The following SLC4A2 variants were observed in gnomAD, a reference collection of about 807,000 sequenced individuals.
The protein encoded by SLC4A2 is solute carrier family 4 member 2.
SLC4A2 carries 36 observed loss-of-function variants against 115.0 expected under a neutral mutation model. The ratio of observed to expected loss-of-function variants is 0.31; its 90% CI spans 0.24 to 0.41. The LOEUF is 0.41. Among genes scored for constraint, SLC4A2 ranks in the 10% least tolerant of loss-of-function variants. The pLI, the probability that SLC4A2 is intolerant of heterozygous loss-of-function variation, is 1.00. For synonymous variants in SLC4A2, 708 were observed against 708.3 expected, an observed-to-expected ratio of 1.00 and a Z score of 0.01; for missense variants, 1,252 against 1,705.6, an observed-to-expected ratio of 0.73 and a Z score of 4.68.
rs34595208 is a variant in SLC4A2 at position 151,070,719 on chromosome 7, G to A, written c.1565-8G>A. 5.5e-5 allele frequency: 89 copies of A among 1,612,430 alleles called. No individual in the cohort carries two copies. In the African/African-American group the frequency reaches 7.5e-4, roughly 14 times the overall value. On this transcript the variant is annotated splice_polypyrimidine_tract_variant and splice_region_variant and intron_variant, in intron 11 of 22. Coordinates refer to ENST00000413384, the MANE Select transcript of SLC4A2 (RefSeq NM_003040.4). ...CTGCTCTTGCCCACGATGGTCCCAC[G>A]CCCCTAGGCTGCGTGGAGTTCCTCT... is the stretch of plus-strand genomic sequence containing the variant.
At chr7:151,073,778 G>C (rs1389640207) in intron 16 of SLC4A2, among the ~76,000 whole-genome samples, 5 of 152,028 alleles carry the variant, frequency 3.3e-5, no homozygotes, top group African/African-American at 1.2e-4. Flanking sequence ...CTTCCTTTAG[G>C]CCCCTGGATC....
chr7:151,061,716 C>G (rs896840587), intron 1 of SLC4A2: 69 of 479,284 alleles, frequency 1.4e-4, no homozygotes, highest in Admixed American at 6.4e-4. Context: ...CCTCTCGGCC[C>G]TTTTCGGCCC....
chr7:151,069,888 T>C (rs2150373856), intron 8 of SLC4A2, 59 bp from the exon 9 acceptor site: 2 of 1,607,936 alleles, frequency 1.2e-6, no homozygotes, highest in East Asian at 4.5e-5. Flanking sequence ...CCCCATCCCA[T>C]CTCCTGCCAC....
In SLC4A2 at chr7:151,074,125, A is replaced by G. The variant is rs760557989; in HGVS notation, c.2622A>G (p.Ala874=). 1 of 1,612,442 alleles carries G rather than the reference A, an allele frequency of 6.2e-7. No homozygotes were observed. Among genetic ancestry groups the G allele is most frequent in the South Asian group, 1.1e-5 (1 of 91,000 alleles). The change falls in exon 17 of 23, where the codon GCA becomes GCG. Residue 874 remains alanine, a synonymous_variant. Coordinates refer to ENST00000413384, the MANE Select transcript of SLC4A2 (RefSeq NM_003040.4). ...DGGENMTWAG[A]RPTLGPGNRS... ...GTGAGAACATGACATGGGCCGGGGC[A>G]AGACCCACGCTGGGGCCGGGCAACA...
At chr7:151,062,692 C>T in intron 2 of SLC4A2, 2 of 1,491,602 alleles carry the variant, frequency 1.3e-6, no homozygotes, top group Non-Finnish European at 1.8e-6. Flanking sequence ...CCTCTCTCCC[C>T]ATGGCGGCAA....
intron 16 of SLC4A2, 176 bp from the exon 17 acceptor site, chr7:151,073,863 C>T: frequency 1.5e-6 from 1 of 678,282 alleles, no homozygotes; most frequent in Admixed American, 2.9e-5. Context: ...TTCTGCCCCA[C>T]ACTGCCCTGT....
At position 151,072,282 on chromosome 7, in the gene SLC4A2, A is replaced by C. The variant is rs536565889; in HGVS notation, c.2535+146A>C. 18 of 633,094 alleles carry C rather than the reference A, an allele frequency of 2.8e-5. No homozygotes were observed. In the South Asian group the frequency reaches 3.3e-4, roughly 12 times the overall value. The allele number at this position is 633,094 out of a possible 1,614,324, so 39.2% of individuals were successfully genotyped here. A position where few individuals can be genotyped will look rare whatever the true frequency, so the allele number is the denominator to read the frequency against. On this transcript the variant is annotated intron_variant, in intron 16 of 22. Transcript: ENST00000413384. ...TTGCCAACACGTATACCAGGGCTGC[A>C]GATTACTCTTTTAATTAATTAATTA...
At position 151,074,595 on chromosome 7, in the gene SLC4A2, C is replaced by T. The variant is rs980718620; in HGVS notation, c.2881-80C>T. 1.9e-6 allele frequency: 3 copies of T among 1,574,076 alleles called. No homozygotes were observed. The African/African-American group carries it at 4.0e-5, about 21-fold the overall frequency. ...GCCTGTCCTTAAGCTTAAGCCTGTC[C>T]TTAAGATGCCATCCCCTTTCCATGG... On this transcript the variant is annotated intron_variant, in intron 18 of 22. Coordinates refer to ENST00000413384, the MANE Select transcript of SLC4A2 (RefSeq NM_003040.4).
At chr7:151,058,254 A>G, upstream of SLC4A2, 1 of 273,248 alleles carries the variant, frequency 3.7e-6, no homozygotes, top group Non-Finnish European at 7.0e-6. Flanking sequence ...TACGCGTTCC[A>G]GAATGCAGCG....
Position 151,064,320 on chromosome 7 carries a change from G to T in SLC4A2, c.170G>T (p.Arg57Leu). The T allele has an allele frequency of 6.2e-7, 1 of 1,611,622 alleles. No homozygotes were observed. Among genetic ancestry groups the T allele is most frequent in the African/African-American group, 1.3e-5 (1 of 74,752 alleles). The change falls in exon 3 of 23, where the codon CGT becomes CTT. Residue 57 changes from arginine (R) to leucine (L), a missense_variant. Around this residue, in one of 14 missense-constraint regions of SLC4A2, gnomAD observed 74 missense variants for 85.3 expected, o/e 0.87. Transcript: ENST00000413384. The part of the protein sequence containing the change: ...FEEILQEAGS[R>L]GGEEPGRSYG... ...GAGATCCTACAGGAGGCCGGGTCTCGTGGAGGGGAGGAGCCAGGCCGCAGC... is the reference window on the plus strand; with the variant it reads ...GAGATCCTACAGGAGGCCGGGTCTCTTGGAGGGGAGGAGCCAGGCCGCAGC...
chr7:151,062,918 C>G lies in SLC4A2; in HGVS notation c.51+880C>G, dbSNP rs565297105. The G allele has an allele frequency of 2.9e-6, 4 of 1,396,412 alleles. No individual in the cohort carries two copies. The African/African-American group carries it at 6.0e-5, about 21-fold the overall frequency. The allele number at this position is 1,396,412 out of a possible 1,614,324, so 86.5% of individuals were successfully genotyped here. A position where few individuals can be genotyped will look rare whatever the true frequency, so the allele number is the denominator to read the frequency against. On this transcript the variant is annotated intron_variant, in intron 2 of 22. Transcript: ENST00000413384. ...CCTAAGACCCGCCCTTCACCCCAGC[C>G]CTCCCCGCGCTCTTCCTTGTTCTGG... is the stretch of plus-strand genomic sequence containing the variant.
chr7:151,075,653 G>A lies in SLC4A2; in HGVS notation c.3349G>A (p.Val1117Met), dbSNP rs750770400. Residue 1117 changes from valine (V) to methionine (M), a missense_variant, in exon 21 of 23, where the codon GTG becomes ATG. Val to Met is a conservative substitution (Grantham distance 21, BLOSUM62 1). Coordinates refer to ENST00000413384, the MANE Select transcript of SLC4A2 (RefSeq NM_003040.4). ...GDLLRQIPLA[V>M]LFGIFLYMGV... ...TCTGCTCCGGCAGATCCCCCTGGCC[G>A]TGCTCTTTGGAATTTTCCTGTACAT... is the stretch of plus-strand genomic sequence containing the variant. The A allele has an allele frequency of 6.2e-6, 10 of 1,606,906 alleles. No individual in the cohort carries two copies. The highest frequency in any genetic ancestry group is 1.1e-5 in the South Asian group (1 of 91,060).
intron 1 of SLC4A2, 37 bp from the exon 2 acceptor site, chr7:151,061,871 TGGCTCCTGCCCTCCCAG>T: frequency 4.3e-6 from 4 of 926,612 alleles, no homozygotes; most frequent in Non-Finnish European, 6.7e-6. Context: ...CTGCGCGTGG[TGGCTCCTGCCCTCCCAG>T]GGCTCTCGAT....
intron 8 of SLC4A2, among the ~76,000 whole-genome samples, 171 bp from the exon 9 acceptor site, chr7:151,069,776 G>A (rs1262660352): frequency 6.6e-6 from 1 of 152,196 alleles, no homozygotes; most frequent in Non-Finnish European, 1.5e-5. Flanking sequence ...GAGGGTTGAT[G>A]TGACGTAGGC....
At position 151,070,781 on chromosome 7, in the gene SLC4A2, C is replaced by G; in HGVS notation, c.1619C>G (p.Ala540Gly). 1 of 1,614,024 alleles carries G rather than the reference C, an allele frequency of 6.2e-7. No homozygotes were observed. Among genetic ancestry groups the G allele is most frequent in the Non-Finnish European group, 8.5e-7 (1 of 1,179,996 alleles). ...PTMAFVRLRE[A>G]VELDAVLEVP... ...ATGGCCTTTGTGCGGCTCCGGGAGG[C>G]TGTGGAGTTGGACGCAGTGTTGGAG... The change falls in exon 12 of 23, where the codon GCT becomes GGT. Residue 540 changes from alanine (A) to glycine (G), a missense_variant. Physicochemically the swap from Ala to Gly is moderately conservative, Grantham distance 60. Around this residue, in one of 14 missense-constraint regions of SLC4A2, gnomAD observed 87 missense variants for 170.3 expected, o/e 0.51. Coordinates refer to ENST00000413384, the MANE Select transcript of SLC4A2 (RefSeq NM_003040.4).
rs1797445291 is a variant in SLC4A2 at position 151,071,673 on chromosome 7, G to A, written c.2192-16G>A. The A allele has an allele frequency of 6.2e-7, 1 of 1,611,516 alleles. No homozygotes were observed. On this transcript the variant is annotated splice_polypyrimidine_tract_variant and intron_variant, in intron 14 of 22. Coordinates refer to ENST00000413384, the MANE Select transcript of SLC4A2 (RefSeq NM_003040.4). The surrounding 1 kb of genome is among the most constrained non-coding windows in gnomAD (Gnocchi z 5.5). The stretch of plus-strand genomic sequence containing the variant: ...GGCCTGGCCACCAGCTCCTGAGCTG[G>A]TTCCTACACCCCTAGGAGAGAAGAC...
chr7:151,066,967 C>A lies in SLC4A2; in HGVS notation c.940C>A (p.Pro314Thr), dbSNP rs1345840479. The change falls in exon 7 of 23, where the codon CCC (proline) becomes ACC (threonine). Residue 314 changes from proline (P) to threonine (T), a missense_variant. Pro to Thr is a conservative substitution (Grantham distance 38, BLOSUM62 -1). Coordinates refer to ENST00000413384, the MANE Select transcript of SLC4A2 (RefSeq NM_003040.4). ...GCCTGGCCCCACACCTCGGGCCCGA[C>A]CCCGGGCCCCCCACAAGCCCCATGA... ...REPGPTPRAR[P>T]RAPHKPHEVF... The A allele has an allele frequency of 6.2e-7, 1 of 1,604,302 alleles. No homozygotes were observed. Among genetic ancestry groups the A allele is most frequent in the East Asian group, 2.2e-5 (1 of 44,832 alleles).
chr7:151,061,639 T>C, intron 1 of SLC4A2: 1 of 314,630 alleles, frequency 3.2e-6, no homozygotes, highest in Non-Finnish European at 6.0e-6. Flanking sequence ...GCCTGGGCCT[T>C]GACTCCTTTC....
At chr7:151,064,502 G>A (rs375182101) in intron 3 of SLC4A2, 24 bp from the exon 4 acceptor site, 32 of 1,598,520 alleles carry the variant, frequency 2.0e-5, no homozygotes, top group Non-Finnish European at 2.6e-5. Flanking sequence ...GCCTGCCACA[G>A]CCAAGTCCCC....
Sources: allele counts gnomAD v4.1 joint callset (sites outside exome capture counted in the v4.1 genomes callset), GRCh38; gene constraint gnomAD v4.1.1; regional missense constraint gnomAD v4.1.1; non-coding constraint Gnocchi (gnomAD v3.1); transcripts MANE v1.5; gene names NCBI Gene and HGNC (gene_info 2026-07-23, HGNC 2026-07-21).